SGIP1: variants seen among roughly 807,000 people sequenced by gnomAD.
SGIP1 encodes the protein SH3-containing GRB2-like protein 3-interacting protein 1.
A neutral mutation model predicts 107.5 loss-of-function variants in SGIP1; 38 were observed. The observed-to-expected ratio is 0.35, with a 90% CI of 0.27 to 0.46. The LOEUF is 0.46. Ranked by LOEUF, SGIP1 falls within the 20% of genes least tolerant of loss-of-function variation. The pLI is 1.00. For synonymous variants in SGIP1, 365 were observed against 366.1 expected (o/e 1.00, Z 0.03); for missense variants, 929 against 1,019.5 (o/e 0.91, Z 1.21).
At chr1:66,729,894 T>C (rs1460092130) in intron 20 of SGIP1, among the ~76,000 whole-genome samples, 16 of 152,200 alleles carry the variant, frequency 1.1e-4, no homozygotes, top group Admixed American at 1.0e-3. Flanking sequence ...CTCCGCCTCC[T>C]GGGTTCAAGT....
chr1:66,562,419 C>T (rs959096560), intron 1 of SGIP1, among the ~76,000 whole-genome samples: 1 of 151,862 alleles, frequency 6.6e-6, no homozygotes, highest in African/African-American at 2.4e-5. Context: ...GGGATTGAAA[C>T]AATAGCAGGG....
chr1:66,688,999 A>C (rs1305914328), intron 15 of SGIP1, 149 bp from the exon 16 acceptor site: 2 of 830,282 alleles, frequency 2.4e-6, no homozygotes, highest in Non-Finnish European at 3.5e-6. Context: ...TAAGAAAAAA[A>C]AGAGAAAAAA....
chr1:66,564,460 G>A (rs2059383114), intron 1 of SGIP1, among the ~76,000 whole-genome samples: 1 of 151,902 alleles, frequency 6.6e-6, no homozygotes, highest in Non-Finnish European at 1.5e-5. Flanking sequence ...TGAGTCAGAG[G>A]AAGCTGTGGT....
At chr1:66,566,012 T>C (rs1461756780) in intron 1 of SGIP1, among the ~76,000 whole-genome samples, 1 of 146,556 alleles carries the variant, frequency 6.8e-6, no homozygotes, top group Non-Finnish European at 1.5e-5. Flanking sequence ...TAAAATATTT[T>C]AGGTCCTTAC....
At chr1:66,671,801 GAGA>G (rs931651040) in intron 10 of SGIP1, 140 bp from the exon 11 acceptor site, 17 of 696,806 alleles carry the variant, frequency 2.4e-5, no homozygotes, top group Non-Finnish European at 4.0e-5. Context: ...ATTGCCAGGG[GAGA>G]AGGTTTGTTT....
At chr1:66,670,051 T>C (rs562250744) in intron 9 of SGIP1, among the ~76,000 whole-genome samples, 1 of 152,284 alleles carries the variant, frequency 6.6e-6, no homozygotes, top group African/African-American at 2.4e-5. Context: ...TGGTCTCAGC[T>C]TTTGGAATGC....
chr1:66,666,474 T>C (rs1206593498), intron 8 of SGIP1: 1 of 155,824 alleles, frequency 6.4e-6, no homozygotes, highest in Non-Finnish European at 1.4e-5. Flanking sequence ...TGGTTCCATA[T>C]GAACTTTAAA....
chr1:66,548,591 AG>A (rs1490034068), intron 1 of SGIP1, among the ~76,000 whole-genome samples: 3 of 152,128 alleles, frequency 2.0e-5, no homozygotes, highest in African/African-American at 7.2e-5. Flanking sequence ...ATTATTTGAT[AG>A]CCGTTCTGAT....
At chr1:66,547,723 C>G (rs998371817) in intron 1 of SGIP1, among the ~76,000 whole-genome samples, 1 of 152,046 alleles carries the variant, frequency 6.6e-6, no homozygotes, top group African/African-American at 2.4e-5. Context: ...AGTATGAGGA[C>G]ACAAGATTAA....
At chr1:66,678,779 G>A (rs987601921) in intron 13 of SGIP1, among the ~76,000 whole-genome samples, 7 of 152,172 alleles carry the variant, frequency 4.6e-5, no homozygotes, top group Non-Finnish European at 1.0e-4. Context: ...CAAGTGGAAG[G>A]TACCAGCAAG....
chr1:66,549,137 G>GCCTGCCTTCCTGCCTT lies in SGIP1; in HGVS notation c.10+14772_10+14773insGCCTTCCTGCCTTCCT, dbSNP rs1051893057. Among the ~76,000 whole-genome samples the GCCTGCCTTCCTGCCTT allele has an allele frequency of 4.0e-3, 571 of 144,466 alleles. 5 individuals carry two copies. Among genetic ancestry groups the GCCTGCCTTCCTGCCTT allele is most frequent in the African/African-American group, 0.014 (529 of 39,134 alleles). The allele number at this position is 144,466 out of a possible 152,430, so 94.8% of individuals were successfully genotyped here. A position where few individuals can be genotyped will look rare whatever the true frequency, so the allele number is the denominator to read the frequency against. ...GAGCTTAAGCTCCTTCTGGCTACCT[G>GCCTGCCTTCCTGCCTT]CCTTCCTTCCTTCCTTCCTTCCTTC... On this transcript the variant is annotated intron_variant, in intron 1 of 24. Transcript: ENST00000371037.
chr1:66,691,351 A>G (rs2089816406), intron 17 of SGIP1, among the ~76,000 whole-genome samples: 1 of 152,212 alleles, frequency 6.6e-6, no homozygotes, highest in African/African-American at 2.4e-5. Flanking sequence ...CTATTTTCCC[A>G]GATAAATAAG....
chr1:66,582,291 A>G (rs1299214342), intron 1 of SGIP1, among the ~76,000 whole-genome samples: 1 of 152,106 alleles, frequency 6.6e-6, no homozygotes, highest in Non-Finnish European at 1.5e-5. Context: ...CTGAAAATGA[A>G]AACCTTTGCT....
At chr1:66,672,327 C>T (rs185124212) in intron 11 of SGIP1, among the ~76,000 whole-genome samples, 14 of 152,182 alleles carry the variant, frequency 9.2e-5, no homozygotes, top group Admixed American at 4.6e-4. Flanking sequence ...TATTACCCTA[C>T]GAAAAGAAGC....
intron 1 of SGIP1, among the ~76,000 whole-genome samples, chr1:66,599,282 C>A (rs2065296754): frequency 6.6e-6 from 1 of 152,260 alleles, no homozygotes; most frequent in African/African-American, 2.4e-5. Flanking sequence ...GAGCATATTT[C>A]ATCATGTTAT....
At chr1:66,711,388 T>C (rs1037552802) in intron 18 of SGIP1, among the ~76,000 whole-genome samples, 2 of 152,084 alleles carry the variant, frequency 1.3e-5, no homozygotes, top group East Asian at 3.9e-4. Context: ...AGGGTAAGGG[T>C]AAAACCCAGA....
intron 6 of SGIP1, 85 bp from the exon 7 acceptor site, chr1:66,643,459 G>C (rs2077128060): frequency 9.1e-7 from 1 of 1,093,668 alleles, no homozygotes; most frequent in Admixed American, 2.7e-5. Flanking sequence ...GGATACTTTT[G>C]CTGTCTCTAT....
At chr1:66,707,643 A>G (rs887275616) in intron 18 of SGIP1, among the ~76,000 whole-genome samples, 1 of 152,170 alleles carries the variant, frequency 6.6e-6, no homozygotes, top group African/African-American at 2.4e-5. Flanking sequence ...AAAATTCTGT[A>G]TCTTAGATTC....
At chr1:66,658,660 A>G (rs570338946) in intron 7 of SGIP1, among the ~76,000 whole-genome samples, 134 of 152,350 alleles carry the variant, frequency 8.8e-4, no homozygotes, top group Non-Finnish European at 1.3e-3. Context: ...CATAGCCATT[A>G]CTGTGAGCTA....
Sources: gnomAD v4.1 joint callset for allele counts (sites outside exome capture counted in the v4.1 genomes callset) on GRCh38, gnomAD v4.1.1 for gene constraint, MANE v1.5 for transcripts, NCBI Gene and HGNC (gene_info 2026-07-23, HGNC 2026-07-21) for gene names.